The following LONP2 variants were observed in gnomAD, a reference collection of about 807,000 sequenced individuals.
The protein encoded by LONP2 is lon protease homolog 2, peroxisomal.
A neutral mutation model predicts 85.6 loss-of-function variants in LONP2; 60 were observed. That is an observed-to-expected ratio of 0.70 (90% CI 0.57 to 0.87). The LOEUF is 0.87. Ranked by LOEUF, LONP2 falls within the 40% of genes least tolerant of loss-of-function variation. LONP2 has a pLI of 0.00. For synonymous variants in LONP2, 395 were observed against 389.7 expected (o/e 1.01, Z -0.16); for missense variants, 860 against 1,063.5 (o/e 0.81, Z 2.66).
At chr16:48,244,666 C>G in intron 1 of LONP2, 45 bp downstream of exon 1, 1 of 1,279,502 alleles carries the variant, frequency 7.8e-7, no homozygotes, top group Non-Finnish European at 1.0e-6. Flanking sequence ...GCGCGGCCTC[C>G]TCCGGGGACC....
intron 8 of LONP2, among the ~76,000 whole-genome samples, chr16:48,291,759 A>G (rs908533219): frequency 1.3e-5 from 2 of 152,204 alleles, no homozygotes; most frequent in African/African-American, 4.8e-5. Context: ...TCGTCCTTCC[A>G]TGGACTCACC....
intron 11 of LONP2, among the ~76,000 whole-genome samples, chr16:48,313,271 C>G (rs1973072542): frequency 6.6e-6 from 1 of 152,136 alleles, no homozygotes; most frequent in Non-Finnish European, 1.5e-5. Context: ...ATTATCAAGT[C>G]TTCTAATTCA....
At chr16:48,330,205 G>A (rs1427770332) in intron 11 of LONP2, among the ~76,000 whole-genome samples, 4 of 152,170 alleles carry the variant, frequency 2.6e-5, no homozygotes, top group Non-Finnish European at 5.9e-5. Context: ...TGAAATAATA[G>A]TTTCTTTTAT....
chr16:48,255,605 G>A (rs981365903), intron 2 of LONP2, among the ~76,000 whole-genome samples: 1 of 152,096 alleles, frequency 6.6e-6, no homozygotes, highest in Non-Finnish European at 1.5e-5. Context: ...ATATGGTTTG[G>A]CTGTGTCCCC....
downstream of LONP2, among the ~76,000 whole-genome samples, chr16:48,359,593 G>A (rs1225359432): frequency 6.6e-6 from 1 of 152,080 alleles, no homozygotes; most frequent in Non-Finnish European, 1.5e-5. Flanking sequence ...GCACGTGCCT[G>A]TAGTCCCAGC....
chr16:48,254,266 T>G (rs1166771261), intron 2 of LONP2, among the ~76,000 whole-genome samples: 2 of 152,260 alleles, frequency 1.3e-5, no homozygotes, highest in African/African-American at 4.8e-5. Flanking sequence ...ACACCCTAGT[T>G]CTAGCTCTAC....
intron 14 of LONP2, among the ~76,000 whole-genome samples, chr16:48,350,607 A>C (rs1411055233): frequency 6.6e-6 from 1 of 152,228 alleles, no homozygotes; most frequent in Non-Finnish European, 1.5e-5. Context: ...GAAGGCCTGG[A>C]GCAGCCAGCC....
At chr16:48,301,833 A>C (rs1002668859) in intron 10 of LONP2, among the ~76,000 whole-genome samples, 1 of 152,192 alleles carries the variant, frequency 6.6e-6, no homozygotes, top group Non-Finnish European at 1.5e-5. Context: ...ATAAAATACT[A>C]TCAGGTGCTG....
chr16:48,304,791 A>G (rs570133773), intron 11 of LONP2, among the ~76,000 whole-genome samples: 4 of 152,334 alleles, frequency 2.6e-5, no homozygotes, highest in African/African-American at 9.6e-5. Flanking sequence ...TCATGCTGTT[A>G]TGCAGTTTGC....
At chr16:48,326,806 A>G (rs947884936) in intron 11 of LONP2, among the ~76,000 whole-genome samples, 2 of 152,206 alleles carry the variant, frequency 1.3e-5, no homozygotes, top group Non-Finnish European at 2.9e-5. Context: ...TCCCCTTTCA[A>G]TAATTCCCTT....
intron 8 of LONP2, among the ~76,000 whole-genome samples, chr16:48,286,143 T>A (rs1439577626): frequency 1.1e-5 from 1 of 92,766 alleles, no homozygotes. Context: ...ATTTGTAATC[T>A]TTTTTTTTTT....
chr16:48,266,886 T>C (rs1972000797), intron 6 of LONP2, among the ~76,000 whole-genome samples: 1 of 151,866 alleles, frequency 6.6e-6, no homozygotes, highest in South Asian at 2.1e-4. Flanking sequence ...AGCCCAGGAG[T>C]TTGAGACCAG....
chr16:48,293,377 G>T lies in LONP2; in HGVS notation c.1384-2638G>T, dbSNP rs576798161. Among the ~76,000 whole-genome samples the T allele has an allele frequency of 1.8e-3, 269 of 152,108 alleles. 1 individual carries two copies. The highest frequency in any genetic ancestry group is 1.9e-3 in the East Asian group (10 of 5,174). ...CGGGAGGCGGAGCTTGCAGTGAGCC[G>T]AGATCGCGCCACTGCACTCTAGCCT... On this transcript the variant is annotated intron_variant, in intron 8 of 14. Coordinates refer to ENST00000285737, the MANE Select transcript of LONP2 (RefSeq NM_031490.5).
chr16:48,286,606 G>A (rs1330299950), intron 8 of LONP2, among the ~76,000 whole-genome samples: 1 of 151,754 alleles, frequency 6.6e-6, no homozygotes, highest in East Asian at 2.0e-4. Flanking sequence ...CCAGGCTCAA[G>A]TGACCCACCC....
chr16:48,309,473 A>G (rs1202790249), intron 11 of LONP2, among the ~76,000 whole-genome samples: 1 of 152,238 alleles, frequency 6.6e-6, no homozygotes, highest in Non-Finnish European at 1.5e-5. Context: ...AATACTGAAT[A>G]TTCTCATTTA....
chr16:48,351,665 C>T lies in LONP2; in HGVS notation c.2422C>T (p.Leu808Phe). 1 of 1,614,094 alleles carries T rather than the reference C, an allele frequency of 6.2e-7. No homozygotes were observed. Among genetic ancestry groups the T allele is most frequent in the Non-Finnish European group, 8.5e-7 (1 of 1,180,020 alleles). Residue 808 changes from leucine (L) to phenylalanine (F), a missense_variant, in exon 15 of 15, where the codon CTT becomes TTT. By Grantham distance (22) the Leu-to-Phe change is conservative. Coordinates refer to ENST00000285737, the MANE Select transcript of LONP2 (RefSeq NM_031490.5). ...VIIPRRNEKDLEGIPGNVRQD... is the reference protein window; with the variant it reads ...VIIPRRNEKDFEGIPGNVRQD... ...TATTCCTCGGAGAAATGAAAAAGACCTTGAGGGAATCCCAGGCAACGTACG... is the reference window on the plus strand; with the variant it reads ...TATTCCTCGGAGAAATGAAAAAGACTTTGAGGGAATCCCAGGCAACGTACG...
Position 48,285,560 on chromosome 16 carries a change from A to T in LONP2, c.1383+8081A>T, listed in dbSNP as rs113567989. ...TTCTTTCTATTCTTCAGACAGGATC[A>T]TCTCAGTTGACCTGTCTTCAAGTTC... On this transcript the variant is annotated intron_variant, in intron 8 of 14. Transcript: ENST00000285737. 8.6e-3 allele frequency among the ~76,000 whole-genome samples: 1,306 copies of T among 152,098 alleles called. 15 individuals are homozygous for T. The highest frequency in any genetic ancestry group is 0.029 in the African/African-American group (1,208 of 41,494).
Position 48,257,772 on chromosome 16 carries a change from A to G in LONP2, c.601-846A>G, listed in dbSNP as rs909624122. Among the ~76,000 whole-genome samples the G allele has an allele frequency of 2.0e-5, 3 of 152,330 alleles. No homozygotes were observed. The South Asian group carries it at 6.2e-4, about 32-fold the overall frequency. On this transcript the variant is annotated intron_variant, in intron 3 of 14. Coordinates refer to ENST00000285737, the MANE Select transcript of LONP2 (RefSeq NM_031490.5). Reference sequence around the variant, plus strand: ...ACAGGTTGGTTATACACAGGAATTCAATTAATCCAGTGGGAGTAGAAGAGT... The same window carrying G: ...ACAGGTTGGTTATACACAGGAATTCGATTAATCCAGTGGGAGTAGAAGAGT...
rs1457728785 is a variant in LONP2, at chr16:48,362,735, AAAC to A, written c.*876_*878del. 3 of 267,752 alleles carry A rather than the reference AAAC, an allele frequency of 1.1e-5. No homozygotes were observed. The highest frequency in any genetic ancestry group is 1.0e-4 in the Admixed American group (2 of 19,562). The allele number at this position is 267,752 out of a possible 1,614,324, so 16.6% of individuals were successfully genotyped here. On this transcript the variant is annotated 3_prime_UTR_variant, in exon 5 of 5. Transcript: ENST00000565867. The surrounding 1 kb of genome is among the most constrained non-coding windows in gnomAD (Gnocchi z 4.2). ...AATGCTAAAATAGAAAATGGACCATAAACAACTAAAGAAACTATACAAGGAACT... is the reference window on the plus strand; with the variant it reads ...AATGCTAAAATAGAAAATGGACCATAAACTAAAGAAACTATACAAGGAACT...
Sources: gnomAD v4.1 joint callset for allele counts (sites outside exome capture counted in the v4.1 genomes callset) on GRCh38, gnomAD v4.1.1 for gene constraint, Gnocchi (gnomAD v3.1) non-coding constraint, MANE v1.5 for transcripts, NCBI Gene and HGNC (gene_info 2026-07-23, HGNC 2026-07-21) for gene names.